XRN1: variants seen among roughly 807,000 people sequenced by gnomAD.
XRN1 encodes strand-exchange protein 1 homolog.
Under a neutral mutation model 222.3 loss-of-function variants are expected in XRN1, and 67 were observed. That is an observed-to-expected ratio of 0.30 (90% CI 0.25 to 0.37). XRN1 has a LOEUF of 0.37. Ranked by LOEUF, XRN1 falls within the 10% of genes least tolerant of loss-of-function variation. XRN1 has a pLI of 1.00. For synonymous variants in XRN1, 643 were observed against 652.4 expected (o/e 0.99, Z 0.22); for missense variants, 1,707 against 2,000.2 (o/e 0.85, Z 2.80).
intron 17 of XRN1, 43 bp from the exon 18 acceptor site, chr3:142,403,815 T>G (rs373493929): frequency 1.8e-5 from 29 of 1,610,808 alleles, no homozygotes; most frequent in Non-Finnish European, 2.4e-5. Context: ...TCTTTCTCCA[T>G]AATCACTTCA....
chr3:142,411,822 A>AAT, intron 15 of XRN1, among the ~76,000 whole-genome samples: 1 of 138,570 alleles, frequency 7.2e-6, no homozygotes, highest in African/African-American at 2.7e-5. Flanking sequence ...CTTACTGAAA[A>AAT]TTTTTTTTTT....
chr3:142,348,053 C>T (rs1158926607), intron 32 of XRN1, among the ~76,000 whole-genome samples: 1 of 152,012 alleles, frequency 6.6e-6, no homozygotes, highest in Non-Finnish European at 1.5e-5. Flanking sequence ...TCAAAATAAT[C>T]CCATCCCTTG....
chr3:142,407,327 T>A (rs1188124210), intron 15 of XRN1, among the ~76,000 whole-genome samples: 1 of 152,196 alleles, frequency 6.6e-6, no homozygotes, highest in Non-Finnish European at 1.5e-5. Flanking sequence ...CTGTGACTTT[T>A]AAAATTTATT....
intron 2 of XRN1, among the ~76,000 whole-genome samples, 162 bp downstream of exon 2, chr3:142,432,499 A>G (rs975095502): frequency 6.6e-6 from 1 of 151,932 alleles, no homozygotes; most frequent in Admixed American, 6.6e-5. Flanking sequence ...TTCCTAACTC[A>G]TTACTCGACT....
At position 142,402,110 on chromosome 3, in the gene XRN1, T is replaced by C. The variant is rs144326180; in HGVS notation, c.2104-1563A>G. Among the ~76,000 whole-genome samples, 4 of 152,332 alleles carry C rather than the reference T, an allele frequency of 2.6e-5. No individual in the cohort carries two copies. In the East Asian group the frequency reaches 7.7e-4, roughly 29 times the overall value. The stretch of plus-strand genomic sequence containing the variant: ...AACCTCAAAGTCATCAATTCTCTGT[T>C]GACAACTTGAATATCCTTCTCTCTC... On this transcript the variant is annotated intron_variant, in intron 18 of 40. Coordinates refer to ENST00000392981, the MANE Select transcript of XRN1 (RefSeq NM_001282857.2).
intron 22 of XRN1, among the ~76,000 whole-genome samples, chr3:142,381,096 T>C (rs2067287177): frequency 6.7e-6 from 1 of 149,836 alleles, no homozygotes; most frequent in Admixed American, 6.6e-5. Flanking sequence ...CGAGACTCTG[T>C]CTCCAAAAAA....
intron 29 of XRN1, among the ~76,000 whole-genome samples, chr3:142,362,573 T>G (rs377121000): frequency 6.7e-6 from 1 of 149,528 alleles, no homozygotes; most frequent in Admixed American, 6.6e-5. Flanking sequence ...GGCCTTTTTT[T>G]CTTCGTCCCC....
chr3:142,421,401 C>A (rs1331533413), intron 9 of XRN1, 75 bp downstream of exon 9: 11 of 1,204,826 alleles, frequency 9.1e-6, no homozygotes, highest in Non-Finnish European at 1.3e-5. Context: ...CCCCTTTCTT[C>A]TGGTATTACA....
Position 142,389,390 on chromosome 3 carries a change from G to A in XRN1, c.2340-4705C>T, listed in dbSNP as rs116943429. 2.4e-4 allele frequency among the ~76,000 whole-genome samples: 37 copies of A among 152,218 alleles called. No homozygotes were observed. The East Asian group carries it at 7.1e-3, about 29-fold the overall frequency. On this transcript the variant is annotated intron_variant, in intron 20 of 40. Coordinates refer to ENST00000392981, the MANE Select transcript of XRN1 (RefSeq NM_001282857.2). ...TTGAACCTCTCAAAGTCATATAGGA[G>A]GGTCGGAATCAACTTCTTTCAAATT...
intron 20 of XRN1, 59 bp from the exon 21 acceptor site, chr3:142,384,744 C>T (rs1467503261): frequency 3.1e-5 from 40 of 1,298,180 alleles, no homozygotes; most frequent in East Asian, 1.0e-4. Flanking sequence ...TATTCTAGGA[C>T]GATAATCGTC....
At chr3:142,344,765 G>C (rs1171610087) in intron 33 of XRN1, among the ~76,000 whole-genome samples, 1 of 152,066 alleles carries the variant, frequency 6.6e-6, no homozygotes, top group African/African-American at 2.4e-5. Flanking sequence ...GAAATAAATG[G>C]AAAGACATCT....
chr3:142,364,910 A>T, intron 29 of XRN1, 137 bp downstream of exon 29: 1 of 945,760 alleles, frequency 1.1e-6, no homozygotes, highest in Non-Finnish European at 1.4e-6. Flanking sequence ...ACCTAAAAAA[A>T]ATTTAACTAA....
At position 142,311,570 on chromosome 3, in the gene XRN1, A is replaced by G. The variant is rs959858672; in HGVS notation, c.5026T>C (p.Ser1676Pro). 4.3e-6 allele frequency: 7 copies of G among 1,612,726 alleles called. No homozygotes were observed. Among genetic ancestry groups the G allele is most frequent in the Non-Finnish European group, 5.9e-6 (7 of 1,179,160 alleles). ...GCCAGTTTTCTTGATTTTCTTCTTG[A>G]AGAAGAGATTGGTGTTGACTTATGG... ...SHHKSTPISS[S>P]RRKSRKLAVN... Residue 1676 changes from serine (S) to proline (P), a missense_variant, in exon 41 of 41, where the codon TCA (serine) becomes CCA (proline). By Grantham distance (74) the Ser-to-Pro change is moderately conservative (BLOSUM62 -1). Transcript: ENST00000392981.
chr3:142,358,054 CAACAAAAACAAA>C (rs1035696327), intron 30 of XRN1, among the ~76,000 whole-genome samples: 5 of 151,808 alleles, frequency 3.3e-5, no homozygotes, highest in Non-Finnish European at 7.4e-5. Context: ...CAAAATACAA[CAACAAAAACAAA>C]AACAAAAACA....
intron 2 of XRN1, among the ~76,000 whole-genome samples, chr3:142,429,154 T>C (rs2069401737): frequency 2.0e-5 from 3 of 148,984 alleles, no homozygotes; most frequent in Admixed American, 2.0e-4. Flanking sequence ...CTTTTTTTTT[T>C]TTTTTTTTTT....
At chr3:142,445,456 T>C (rs2070460890) in intron 1 of XRN1, among the ~76,000 whole-genome samples, 1 of 152,242 alleles carries the variant, frequency 6.6e-6, no homozygotes, top group Non-Finnish European at 1.5e-5. Flanking sequence ...TACCTTTCTG[T>C]AGCTCATTTT....
At chr3:142,338,106 A>G (rs557187794) in intron 33 of XRN1, among the ~76,000 whole-genome samples, 1 of 152,326 alleles carries the variant, frequency 6.6e-6, no homozygotes, top group Non-Finnish European at 1.5e-5. Context: ...CTTGCTAGGC[A>G]TGTGACTTAC....
At chr3:142,348,982 T>G (rs952311041) in intron 32 of XRN1, among the ~76,000 whole-genome samples, 1 of 151,802 alleles carries the variant, frequency 6.6e-6, no homozygotes, top group African/African-American at 2.4e-5. Context: ...GACAGGGTGT[T>G]TGCTCTGTCA....
At position 142,425,346 on chromosome 3, in the gene XRN1, T is replaced by C; in HGVS notation, c.517-14A>G. 5 of 1,589,622 alleles carry C rather than the reference T, an allele frequency of 3.1e-6. No homozygotes were observed. The highest frequency in any genetic ancestry group is 4.3e-6 in the Non-Finnish European group (5 of 1,168,746). On this transcript the variant is annotated splice_polypyrimidine_tract_variant and intron_variant, in intron 4 of 40. Transcript: ENST00000392981. ...TTCTCCAGGAGTCTAAATAAAATTGTTTTTAAAAATGCAGTAATATGGTAT... is the reference window on the plus strand; with the variant it reads ...TTCTCCAGGAGTCTAAATAAAATTGCTTTTAAAAATGCAGTAATATGGTAT...
Sources: gnomAD v4.1 joint callset for allele counts (sites outside exome capture counted in the v4.1 genomes callset) on GRCh38, gnomAD v4.1.1 for gene constraint, MANE v1.5 for transcripts, NCBI Gene and HGNC (gene_info 2026-07-23, HGNC 2026-07-21) for gene names.